Variants in MS4A4E observed in about 807,000 individuals in gnomAD.
The protein encoded by MS4A4E is membrane spanning 4-domains A4E.
In MS4A4E, 23 loss-of-function variants were observed where a neutral mutation model predicts 13.3. The observed-to-expected ratio is 1.73, with a 90% CI of 1.25 to 2.45. MS4A4E has a LOEUF of 2.45. Ranked by LOEUF, MS4A4E falls within the 30% of genes most tolerant of loss-of-function variation. MS4A4E has a pLI of 0.00. For missense variants in MS4A4E, 144 were observed against 131.2 expected, an observed-to-expected ratio of 1.10 and a Z score of -0.48; for synonymous variants, 36 against 45.6, an observed-to-expected ratio of 0.79 and a Z score of 0.85.
intron 1 of MS4A4E, among the ~76,000 whole-genome samples, chr11:60,232,064 A>G (rs1457164791): frequency 6.6e-6 from 1 of 152,196 alleles, no homozygotes; most frequent in African/African-American, 2.4e-5. Flanking sequence ...AAATTTTGCC[A>G]ATGTGTTAAA....
intron 3 of MS4A4E, among the ~76,000 whole-genome samples, chr11:60,225,625 A>G (rs951647564): frequency 6.6e-6 from 1 of 152,218 alleles, no homozygotes; most frequent in Non-Finnish European, 1.5e-5. Flanking sequence ...AATTAAAACA[A>G]CTTATCAAAA....
At chr11:60,223,802 A>G (rs752184871) in intron 3 of MS4A4E, among the ~76,000 whole-genome samples, 31 of 152,284 alleles carry the variant, frequency 2.0e-4, no homozygotes, top group Non-Finnish European at 3.8e-4. Context: ...TTGGGACTCA[A>G]ACTGGCTTCA....
chr11:60,242,383 A>G (rs976359738), intron 1 of MS4A4E, among the ~76,000 whole-genome samples: 1 of 152,178 alleles, frequency 6.6e-6, no homozygotes, highest in African/African-American at 2.4e-5. Context: ...TTTTATCATG[A>G]GCAGCCTCAG....
At chr11:60,212,739 G>A (rs1377742541) in intron 5 of MS4A4E, among the ~76,000 whole-genome samples, 1 of 152,164 alleles carries the variant, frequency 6.6e-6, no homozygotes, top group Non-Finnish European at 1.5e-5. Context: ...AGGAGTAGGT[G>A]TTCTATAACT....
At chr11:60,220,977 T>C (rs192618691) in intron 3 of MS4A4E, among the ~76,000 whole-genome samples, 1 of 152,276 alleles carries the variant, frequency 6.6e-6, no homozygotes, top group East Asian at 1.9e-4. Flanking sequence ...ACTTGGGCCA[T>C]AGAACAGAGC....
chr11:60,214,505 T>A, intron 4 of MS4A4E, 66 bp downstream of exon 4: 1 of 1,167,580 alleles, frequency 8.6e-7, no homozygotes, highest in Non-Finnish European at 1.2e-6. Context: ...ACCTGTTTTA[T>A]ACCCTGGCAG....
In MS4A4E at chr11:60,200,593, G is replaced by A. The variant is rs1249436686; in HGVS notation, c.*950C>T. On this transcript the variant is annotated 3_prime_UTR_variant, in exon 9 of 9. Transcript: ENST00000651255. Reference sequence around the variant, plus strand: ...GTGGACACAGCACATGTTTCAGAGAGCACAGGGTTGGGGGTAAGGTCACAG... The same window carrying A: ...GTGGACACAGCACATGTTTCAGAGAACACAGGGTTGGGGGTAAGGTCACAG... 6.6e-6 allele frequency among the ~76,000 whole-genome samples: 1 copy of A among 152,118 alleles called. No homozygotes were observed. The highest frequency in any genetic ancestry group is 2.4e-5 in the African/African-American group (1 of 41,418).
At chr11:60,234,778 C>A (rs1045451911) in intron 1 of MS4A4E, among the ~76,000 whole-genome samples, 5 of 90,916 alleles carry the variant, frequency 5.5e-5, no homozygotes, top group Non-Finnish European at 9.1e-5. Flanking sequence ...ACAAAAACAA[C>A]CCCCCCCCCC....
rs2084148419 is a variant in MS4A4E at position 60,213,275 on chromosome 11, C to G, written c.223-143G>C. On this transcript the variant is annotated intron_variant, in intron 4 of 8. Transcript: ENST00000651255. ...CTTATAGTGGTTTCAACTCTGATCTCTCGCCAAAACACAAATATGATCCCA... is the reference window on the plus strand; with the variant it reads ...CTTATAGTGGTTTCAACTCTGATCTGTCGCCAAAACACAAATATGATCCCA... 4 of 1,535,298 alleles carry G rather than the reference C, an allele frequency of 2.6e-6. No homozygotes were observed. The African/African-American group carries it at 5.5e-5, about 21-fold the overall frequency.
chr11:60,205,136 T>C (rs2084023893), intron 7 of MS4A4E, among the ~76,000 whole-genome samples, 178 bp from the exon 8 acceptor site: 1 of 152,208 alleles, frequency 6.6e-6, no homozygotes, highest in South Asian at 2.1e-4. Context: ...TATCTTATCA[T>C]AATGAAAATA....
Position 60,225,100 on chromosome 11 carries a change from A to C in MS4A4E, c.178+3494T>G, listed in dbSNP as rs778504904. 401 of 1,522,156 alleles carry C rather than the reference A, an allele frequency of 2.6e-4. 3 individuals carry two copies. The South Asian group carries it at 4.7e-3, about 18-fold the overall frequency. 94.3% of individuals were successfully genotyped at this position (1,522,156 alleles called of 1,614,324 possible). On this transcript the variant is annotated intron_variant, in intron 3 of 8. Transcript: ENST00000651255. ...CAATCAGAATCCGCACAACCTAGAA[A>C]TGATGAAAGCAAAAACTGATTATCC...
At chr11:60,209,386 C>T (rs2084090831) in intron 5 of MS4A4E, among the ~76,000 whole-genome samples, 1 of 152,184 alleles carries the variant, frequency 6.6e-6, no homozygotes, top group Admixed American at 6.5e-5. Context: ...AGGCAGCCTA[C>T]AGAAGCCAGA....
At chr11:60,226,311 A>C (rs1398431142) in intron 3 of MS4A4E, among the ~76,000 whole-genome samples, 1 of 152,062 alleles carries the variant, frequency 6.6e-6, no homozygotes, top group East Asian at 1.9e-4. Context: ...TCTACCAAAA[A>C]AAAAAGTCAA....
intron 8 of MS4A4E, among the ~76,000 whole-genome samples, chr11:60,202,412 G>A (rs1042733781): frequency 6.6e-6 from 1 of 152,174 alleles, no homozygotes; most frequent in Admixed American, 6.5e-5. Flanking sequence ...ATGTATGGGA[G>A]CTTGCCATTC....
chr11:60,224,687 A>G lies in MS4A4E; in HGVS notation c.178+3907T>C, dbSNP rs562857951. On this transcript the variant is annotated intron_variant, in intron 3 of 8. Transcript: ENST00000651255. ...AAGCCCCTAATCTTGTTGTGAAACA[A>G]TCAGTGCTTTCATTGCTTAAGTCAT... Among the ~76,000 whole-genome samples, 11 of 152,332 alleles carry G rather than the reference A, an allele frequency of 7.2e-5. No homozygotes were observed. In the South Asian group the frequency reaches 2.1e-3, roughly 29 times the overall value.
chr11:60,242,754 G>A (rs1290822950), intron 1 of MS4A4E, among the ~76,000 whole-genome samples: 1 of 152,150 alleles, frequency 6.6e-6, no homozygotes, highest in Non-Finnish European at 1.5e-5. Flanking sequence ...ATCAACTGTA[G>A]CGAAGACTGT....
At chr11:60,242,600 C>T (rs577108381) in intron 1 of MS4A4E, among the ~76,000 whole-genome samples, 21 of 152,286 alleles carry the variant, frequency 1.4e-4, no homozygotes, top group African/African-American at 4.1e-4. Flanking sequence ...GGAAGAAGTG[C>T]ATTAACAGTA....
intron 3 of MS4A4E, among the ~76,000 whole-genome samples, chr11:60,222,104 C>T (rs376475305): frequency 2.0e-5 from 3 of 152,168 alleles, no homozygotes; most frequent in East Asian, 1.9e-4. Flanking sequence ...CACCATTCCT[C>T]GGAATGATCA....
Position 60,201,098 on chromosome 11 carries a change from G to A in MS4A4E, c.*445C>T, listed in dbSNP as rs61901746. 1.2e-3 allele frequency among the ~76,000 whole-genome samples: 152 copies of A among 131,150 alleles called. 3 individuals carry two copies. Among genetic ancestry groups the A allele is most frequent in the African/African-American group, 3.9e-3 (139 of 35,406 alleles). 86.0% of individuals were successfully genotyped at this position (131,150 alleles called of 152,430 possible). On this transcript the variant is annotated 3_prime_UTR_variant, in exon 9 of 9. Transcript: ENST00000651255. ...CCCCCACCTCCCTCCCGGACGGGGC[G>A]GCTGGCCGGGCGGGGTCTGACCCCC...
Sources: allele counts gnomAD v4.1 joint callset (sites outside exome capture counted in the v4.1 genomes callset), GRCh38; gene constraint gnomAD v4.1.1; transcripts MANE v1.5; gene names NCBI Gene and HGNC (gene_info 2026-07-23, HGNC 2026-07-21).